Variants in SENP7 observed in about 807,000 individuals in gnomAD.
The protein encoded by SENP7 is sentrin-specific protease 7.
Under a neutral mutation model 141.2 loss-of-function variants are expected in SENP7, and 64 were observed. That is an observed-to-expected ratio of 0.45 (90% confidence interval 0.37 to 0.56). The LOEUF is 0.56. Ranked by LOEUF, SENP7 falls within the 20% of genes least tolerant of loss-of-function variation. SENP7 has a pLI of 0.00. For missense variants in SENP7, 1,025 were observed against 1,212.2 expected, an observed-to-expected ratio of 0.85 and a Z score of 2.29; for synonymous variants, 382 against 426.4, an observed-to-expected ratio of 0.90 and a Z score of 1.28.
At chr3:101,511,834 G>GTTT (rs1046615336) in intron 1 of SENP7, among the ~76,000 whole-genome samples, 6 of 151,514 alleles carry the variant, frequency 4.0e-5, no homozygotes, top group South Asian at 4.1e-4. Flanking sequence ...TGTTGTTGTT[G>GTTT]TTTGATACAG....
At chr3:101,444,754 AG>A (rs2062823574) in intron 4 of SENP7, among the ~76,000 whole-genome samples, 3 of 80,834 alleles carry the variant, frequency 3.7e-5, no homozygotes, top group Admixed American at 3.2e-4. Context: ...GGGTGGGGGG[AG>A]GGGGGAAAGA....
intron 1 of SENP7, among the ~76,000 whole-genome samples, chr3:101,509,427 A>C (rs1414812659): frequency 2.6e-5 from 4 of 152,164 alleles, no homozygotes; most frequent in African/African-American, 4.8e-5. Flanking sequence ...AACTCTCTGA[A>C]AGGCTAACAT....
At chr3:101,477,490 G>T (rs1225299907) in intron 3 of SENP7, among the ~76,000 whole-genome samples, 1 of 129,294 alleles carries the variant, frequency 7.7e-6, no homozygotes, top group Non-Finnish European at 1.7e-5. Flanking sequence ...AAAGTATAAA[G>T]ATTTTAAGTA....
At chr3:101,493,826 TACC>T in intron 3 of SENP7, 44 bp downstream of exon 3, 2 of 1,118,622 alleles carry the variant, frequency 1.8e-6, no homozygotes, top group South Asian at 1.5e-5. Context: ...ATTTTAAACA[TACC>T]AAATAAAACT....
chr3:101,454,860 T>TA (rs2063297101), intron 4 of SENP7, among the ~76,000 whole-genome samples: 1 of 152,172 alleles, frequency 6.6e-6, no homozygotes, highest in African/African-American at 2.4e-5. Context: ...AAAGTGGTTG[T>TA]AAATGAGTAG....
intron 4 of SENP7, among the ~76,000 whole-genome samples, chr3:101,418,673 C>T (rs1366737468): frequency 7.5e-6 from 1 of 132,820 alleles, no homozygotes; most frequent in Non-Finnish European, 1.6e-5. Flanking sequence ...CAAGATAAAA[C>T]GGGAACTCTC....
chr3:101,441,849 A>AAGG (rs2062687235), intron 4 of SENP7, among the ~76,000 whole-genome samples: 1 of 152,192 alleles, frequency 6.6e-6, no homozygotes, highest in Non-Finnish European at 1.5e-5. Context: ...GTTAGAAACC[A>AAGG]CAGATTCACT....
chr3:101,368,944 T>C (rs1240873823), intron 7 of SENP7, among the ~76,000 whole-genome samples: 1 of 152,226 alleles, frequency 6.6e-6, no homozygotes. Context: ...GGCTATAATA[T>C]GTGATCATTC....
chr3:101,446,050 C>T (rs1425127498), intron 4 of SENP7, among the ~76,000 whole-genome samples: 3 of 152,070 alleles, frequency 2.0e-5, no homozygotes, highest in South Asian at 4.2e-4. Flanking sequence ...GTGATTGGTT[C>T]GTGGGGGAGA....
chr3:101,444,720 C>T (rs1383707253), intron 4 of SENP7, among the ~76,000 whole-genome samples: 3 of 125,956 alleles, frequency 2.4e-5, no homozygotes, highest in African/African-American at 3.1e-5. Flanking sequence ...GGAAGGGGAA[C>T]ATCACACTCT....
At chr3:101,436,179 C>T (rs1363861685) in intron 4 of SENP7, among the ~76,000 whole-genome samples, 2 of 152,058 alleles carry the variant, frequency 1.3e-5, no homozygotes, top group South Asian at 2.1e-4. Flanking sequence ...GATGGAAAGA[C>T]ACCTCTTCAT....
chr3:101,433,331 GAAAAAAAAAAGGA>G (rs762026867), intron 4 of SENP7, among the ~76,000 whole-genome samples: 7 of 105,636 alleles, frequency 6.6e-5, no homozygotes, highest in East Asian at 2.9e-4. Context: ...AGACAGGAAG[GAAAAAAAAAAGGA>G]AAAAAAAAAA....
chr3:101,470,838 G>A (rs1290628127), intron 3 of SENP7, among the ~76,000 whole-genome samples: 2 of 152,106 alleles, frequency 1.3e-5, no homozygotes, highest in Non-Finnish European at 2.9e-5. Context: ...AAAATCACAA[G>A]CATTCTTATA....
At chr3:101,358,876 C>T (rs2107326625) in intron 11 of SENP7, 1 of 153,536 alleles carries the variant, frequency 6.5e-6, no homozygotes, top group Non-Finnish European at 1.4e-5. Context: ...CTCAGATGAT[C>T]CACTTGCCTC....
At chr3:101,477,572 C>T (rs1018344352) in intron 3 of SENP7, among the ~76,000 whole-genome samples, 5 of 151,978 alleles carry the variant, frequency 3.3e-5, no homozygotes, top group African/African-American at 4.8e-5. Context: ...AGTAAATGGC[C>T]GGACATGGTA....
intron 14 of SENP7, among the ~76,000 whole-genome samples, chr3:101,343,173 G>A (rs573839200): frequency 6.8e-4 from 104 of 152,274 alleles, no homozygotes; most frequent in African/African-American, 2.4e-3. Flanking sequence ...TTAAAGTGAT[G>A]TCTACAAGGT....
intron 4 of SENP7, among the ~76,000 whole-genome samples, chr3:101,435,797 C>G (rs2062365838): frequency 6.6e-6 from 1 of 151,964 alleles, no homozygotes; most frequent in Non-Finnish European, 1.5e-5. Context: ...TAGAAAATTA[C>G]TCCATGTTCA....
At chr3:101,400,280 CTTTG>C (rs2061097414) in intron 5 of SENP7, among the ~76,000 whole-genome samples, 1 of 152,168 alleles carries the variant, frequency 6.6e-6, no homozygotes, top group Non-Finnish European at 1.5e-5. Context: ...TTTACTTATA[CTTTG>C]TTTGTAAGAA....
chr3:101,473,495 G>A (rs772009307), intron 3 of SENP7, among the ~76,000 whole-genome samples: 1 of 152,164 alleles, frequency 6.6e-6, no homozygotes, highest in African/African-American at 2.4e-5. Context: ...GTGATGTTGA[G>A]CTTTCTTTCA....
Sources: gnomAD v4.1 joint callset for allele counts (sites outside exome capture counted in the v4.1 genomes callset) on GRCh38, gnomAD v4.1.1 for gene constraint, MANE v1.5 for transcripts, NCBI Gene and HGNC (gene_info 2026-07-23, HGNC 2026-07-21) for gene names.